Variants in PGCKA1 observed in about 807,000 individuals in gnomAD.
The protein encoded by PGCKA1 is PDCD10 and GCKIII kinases associated 1.
At chr4:37,536,386 T>A in the PGCKA1 span, among the ~76,000 whole-genome samples, 17 of 148,988 alleles carry the variant, frequency 1.1e-4, no homozygotes, top group African/African-American at 3.4e-4. Flanking sequence ...CTTTTTTTTT[T>A]ATCTGACAGT....
chr4:37,552,915 A>C, the PGCKA1 span, among the ~76,000 whole-genome samples: 1 of 152,226 alleles, frequency 6.6e-6, no homozygotes, highest in Admixed American at 6.5e-5. Context: ...TTGTAACCCC[A>C]AAATCCAACA....
At chr4:37,471,129 C>G in the PGCKA1 span, among the ~76,000 whole-genome samples, 132 of 152,260 alleles carry the variant, frequency 8.7e-4, no homozygotes, top group Admixed American at 2.6e-3. Context: ...AGCAAAGAAC[C>G]ATTCATGAAT....
At chr4:37,495,347 C>G in the PGCKA1 span, among the ~76,000 whole-genome samples, 32 of 152,122 alleles carry the variant, frequency 2.1e-4, no homozygotes, top group African/African-American at 7.5e-4. Flanking sequence ...GATCTAGAAC[C>G]AGAAATAGCA....
chr4:37,523,040 A>C, the PGCKA1 span, among the ~76,000 whole-genome samples: 1 of 152,114 alleles, frequency 6.6e-6, no homozygotes, highest in Non-Finnish European at 1.5e-5. Flanking sequence ...CTAATTCACC[A>C]TTAGGACTTG....
At chr4:37,469,946 C>A in the PGCKA1 span, among the ~76,000 whole-genome samples, 1 of 152,192 alleles carries the variant, frequency 6.6e-6, no homozygotes, top group Non-Finnish European at 1.5e-5. Flanking sequence ...TAAGGCAAAG[C>A]ATTTTTATGC....
chr4:37,535,456 A>T, the PGCKA1 span, among the ~76,000 whole-genome samples: 2 of 152,148 alleles, frequency 1.3e-5, no homozygotes, highest in African/African-American at 4.8e-5. Flanking sequence ...GGCCATTTAC[A>T]GATGGAGTGG....
At chr4:37,530,758 C>G in the PGCKA1 span, among the ~76,000 whole-genome samples, 6 of 151,472 alleles carry the variant, frequency 4.0e-5, no homozygotes, top group Non-Finnish European at 5.9e-5. Context: ...GGGCGGTTCA[C>G]TTGAGGTCAG....
chr4:37,505,204 T>C, the PGCKA1 span, among the ~76,000 whole-genome samples: 3 of 152,242 alleles, frequency 2.0e-5, no homozygotes, highest in Non-Finnish European at 2.9e-5. Flanking sequence ...TCTGTTGATA[T>C]GATGTATCAC....
the PGCKA1 span, among the ~76,000 whole-genome samples, chr4:37,563,404 C>T: frequency 6.6e-6 from 1 of 152,186 alleles, no homozygotes; most frequent in African/African-American, 2.4e-5. Context: ...GACCCACCAG[C>T]ACCATTCGCT....
chr4:37,534,982 C>T, the PGCKA1 span, among the ~76,000 whole-genome samples: 10 of 152,268 alleles, frequency 6.6e-5, no homozygotes, highest in African/African-American at 1.9e-4. Context: ...GGTGCTCTTC[C>T]GCATACTGAG....
the PGCKA1 span, among the ~76,000 whole-genome samples, chr4:37,556,310 C>T: frequency 4.0e-5 from 6 of 151,654 alleles, no homozygotes; most frequent in Non-Finnish European, 8.8e-5. Context: ...TCTTGTTGCC[C>T]AGGCAGGAGT....
At chr4:37,573,366 T>C in the PGCKA1 span, among the ~76,000 whole-genome samples, 1 of 152,222 alleles carries the variant, frequency 6.6e-6, no homozygotes, top group Non-Finnish European at 1.5e-5. Context: ...ACAAGGACTC[T>C]GTGAGCAAGT....
At chr4:37,526,253 G>A in the PGCKA1 span, among the ~76,000 whole-genome samples, 1 of 152,188 alleles carries the variant, frequency 6.6e-6, no homozygotes, top group African/African-American at 2.4e-5. Flanking sequence ...GAAAGAGAGA[G>A]TTATATACTG....
the PGCKA1 span, among the ~76,000 whole-genome samples, chr4:37,513,043 AT>A: frequency 1.3e-5 from 2 of 151,556 alleles, no homozygotes; most frequent in African/African-American, 4.9e-5. Context: ...AGCCAAGGTC[AT>A]GCCAATTGCA....
chr4:37,548,663 A>G, the PGCKA1 span, among the ~76,000 whole-genome samples: 2 of 152,256 alleles, frequency 1.3e-5, no homozygotes, highest in African/African-American at 4.8e-5. Flanking sequence ...TAAAGGTAAA[A>G]TTTAGTTTAT....
chr4:37,468,962 T>A, the PGCKA1 span, among the ~76,000 whole-genome samples: 1 of 152,230 alleles, frequency 6.6e-6, no homozygotes. Flanking sequence ...TGATATACAG[T>A]CATGTACCTC....
At chr4:37,506,682 C>T in the PGCKA1 span, among the ~76,000 whole-genome samples, 1 of 150,900 alleles carries the variant, frequency 6.6e-6, no homozygotes, top group Non-Finnish European at 1.5e-5. Context: ...GTTTTAAGAC[C>T]TGTTTTGTCA....
chr4:37,484,554 C>T, the PGCKA1 span, among the ~76,000 whole-genome samples: 1 of 152,180 alleles, frequency 6.6e-6, no homozygotes, highest in Admixed American at 6.5e-5. Flanking sequence ...ATGCCAGCTC[C>T]CCTTTGCCTT....
chr4:37,540,736 G>A, the PGCKA1 span, among the ~76,000 whole-genome samples: 854 of 152,164 alleles, frequency 5.6e-3, 12 homozygotes, highest in African/African-American at 0.019. Context: ...TTCAGAAAAA[G>A]GAGCCCAGCT....
Sources: allele counts gnomAD v4.1 joint callset (sites outside exome capture counted in the v4.1 genomes callset), GRCh38; gene constraint gnomAD v4.1.1; transcripts MANE v1.5; gene names NCBI Gene and HGNC (gene_info 2026-07-23, HGNC 2026-07-21).